NTSR1: variants seen among roughly 807,000 people sequenced by gnomAD.
The protein encoded by NTSR1 is neurotensin receptor type 1.
NTSR1 carries 29 observed loss-of-function variants against 31.2 expected under a neutral mutation model. The ratio of observed to expected loss-of-function variants is 0.93; its 90% confidence interval spans 0.69 to 1.27. The LOEUF is 1.27. Ranked by LOEUF, NTSR1 falls within the 50% of genes most tolerant of loss-of-function variation. The pLI is 0.00. For missense variants in NTSR1, 697 were observed against 595.4 expected (o/e 1.17, Z -1.78); for synonymous variants, 282 against 269.9 (o/e 1.04, Z -0.44).
At chr20:62,755,342 TCCATCCCTC>T (rs1989473317) in intron 2 of NTSR1, among the ~76,000 whole-genome samples, 1 of 74,784 alleles carries the variant, frequency 1.3e-5, no homozygotes, top group Non-Finnish European at 2.7e-5. Flanking sequence ...CCTCCATCCA[TCCATCCCTC>T]TCTCCCTTCC....
chr20:62,740,436 G>A (rs138938637), intron 1 of NTSR1, among the ~76,000 whole-genome samples: 301 of 149,014 alleles, frequency 2.0e-3, no homozygotes, highest in African/African-American at 7.3e-3. Context: ...TAGGGTGAGC[G>A]GCAGGCAGAT....
At chr20:62,750,348 C>A (rs780723606) in intron 1 of NTSR1, among the ~76,000 whole-genome samples, 1 of 152,062 alleles carries the variant, frequency 6.6e-6, no homozygotes, top group Non-Finnish European at 1.5e-5. Flanking sequence ...AGTTATAAGG[C>A]GAGTACATTC....
Position 62,741,757 on chromosome 20 carries a change from C to T in NTSR1, c.715-12928C>T, listed in dbSNP as rs1439262802. 6.7e-6 allele frequency among the ~76,000 whole-genome samples: 1 copy of T among 149,732 alleles called. No homozygotes were observed. Among genetic ancestry groups the T allele is most frequent in the Non-Finnish European group, 1.5e-5 (1 of 68,028 alleles). On this transcript the variant is annotated intron_variant, in intron 1 of 3. Coordinates refer to ENST00000370501, the MANE Select transcript of NTSR1 (RefSeq NM_002531.3). This position sits in a 1 kb window ranked among gnomAD's most constrained non-coding sequence, Gnocchi z 4.3. The stretch of plus-strand genomic sequence containing the variant: ...AGGAGCCACAGCCTTGGACTAGATG[C>T]TCTCAAAACCTGGCAATGGCCCACA...
At chr20:62,759,879 C>G (rs1281919433) in intron 3 of NTSR1, 139 bp from the exon 4 acceptor site, 2 of 810,554 alleles carry the variant, frequency 2.5e-6, no homozygotes, top group Non-Finnish European at 4.0e-6. Context: ...TGAAATGTCC[C>G]CAAACAACCA....
At chr20:62,746,183 GT>G (rs1301913100) in intron 1 of NTSR1, among the ~76,000 whole-genome samples, 2 of 152,192 alleles carry the variant, frequency 1.3e-5, no homozygotes, top group Non-Finnish European at 2.9e-5. Context: ...CAGCCTGGCC[GT>G]CTGCTTCCTG....
In NTSR1 at chr20:62,709,319, G is replaced by T; in HGVS notation, c.112G>T (p.Ala38Ser). 6.2e-7 allele frequency: 1 copy of T among 1,607,036 alleles called. No homozygotes were observed. The highest frequency in any genetic ancestry group is 8.5e-7 in the Non-Finnish European group (1 of 1,177,992). The change falls in exon 1 of 4, where the codon GCT becomes TCT. Residue 38 changes from alanine (A) to serine (S), a missense_variant. Physicochemically the swap from Ala to Ser is moderately conservative, Grantham distance 99. Coordinates refer to ENST00000370501, the MANE Select transcript of NTSR1 (RefSeq NM_002531.3). The part of the protein sequence containing the change: ...EALLAPGFGN[A>S]SGNASERVLA... ...GCTGCTGGCCCCGGGCTTCGGCAAC[G>T]CTTCGGGCAACGCGTCGGAGCGCGT...
At chr20:62,710,033 C>A in intron 1 of NTSR1, 112 bp downstream of exon 1, 1 of 969,430 alleles carries the variant, frequency 1.0e-6, no homozygotes, top group East Asian at 2.7e-5. Flanking sequence ...ACAGTCTACT[C>A]CTGCGAGGCT....
At chr20:62,740,991 A>G (rs1241287879) in intron 1 of NTSR1, among the ~76,000 whole-genome samples, 1 of 151,888 alleles carries the variant, frequency 6.6e-6, no homozygotes, top group Admixed American at 6.5e-5. Flanking sequence ...CTAATGGGGC[A>G]CACTGGGGTT....
At chr20:62,724,488 C>G (rs1460255176) in intron 1 of NTSR1, among the ~76,000 whole-genome samples, 2 of 152,194 alleles carry the variant, frequency 1.3e-5, no homozygotes, top group African/African-American at 4.8e-5. Context: ...ACAGCTTCTT[C>G]AAAAGGAGCC....
At chr20:62,713,540 C>A (rs1310417953) in intron 1 of NTSR1, among the ~76,000 whole-genome samples, 1 of 152,228 alleles carries the variant, frequency 6.6e-6, no homozygotes, top group Non-Finnish European at 1.5e-5. Flanking sequence ...TCCCGTGCCC[C>A]AGGCTGTGCC....
At chr20:62,720,749 C>A (rs1181385842) in intron 1 of NTSR1, among the ~76,000 whole-genome samples, 2 of 151,882 alleles carry the variant, frequency 1.3e-5, no homozygotes, top group Non-Finnish European at 2.9e-5. Flanking sequence ...GATTTAAGAT[C>A]TTTATTCTTT....
chr20:62,709,200 C>G lies in NTSR1; in HGVS notation c.-8C>G. On this transcript the variant is annotated 5_prime_UTR_variant, in exon 1 of 4. Transcript: ENST00000370501. The stretch of plus-strand genomic sequence containing the variant: ...CGCCGGACAGAGCCGCGGACTCCAG[C>G]GCCCACCATGCGCCTCAACAGCTCC... The G allele has an allele frequency of 7.0e-7, 1 of 1,427,358 alleles. No homozygotes were observed. Among genetic ancestry groups the G allele is most frequent in the Non-Finnish European group, 9.1e-7 (1 of 1,099,592 alleles). 88.4% of individuals were successfully genotyped at this position (1,427,358 alleles called of 1,614,324 possible). A position where few individuals can be genotyped will look rare whatever the true frequency, so the allele number is the denominator to read the frequency against.
intron 1 of NTSR1, among the ~76,000 whole-genome samples, chr20:62,748,324 G>A (rs556521716): frequency 3.3e-5 from 5 of 152,044 alleles, no homozygotes; most frequent in Admixed American, 2.0e-4. Context: ...TGCATTGCAA[G>A]AATTCATATT....
Position 62,709,463 on chromosome 20 carries a change from T to A in NTSR1, c.256T>A (p.Phe86Ile). 6.2e-7 allele frequency: 1 copy of A among 1,612,540 alleles called. No individual in the cohort carries two copies. The highest frequency in any genetic ancestry group is 8.5e-7 in the Non-Finnish European group (1 of 1,179,796). ...VGTVGNTVTA[F>I]TLARKKSLQS... ...CACGGTGGGCAACACGGTGACGGCG[T>A]TCACGCTGGCGCGGAAGAAGTCGCT... is the stretch of plus-strand genomic sequence containing the variant. The change falls in exon 1 of 4, where the codon TTC (phenylalanine) becomes ATC (isoleucine). Residue 86 changes from phenylalanine (F) to isoleucine (I), a missense_variant. Transcript: ENST00000370501.
chr20:62,754,799 T>A lies in NTSR1; in HGVS notation c.829T>A (p.Cys277Ser), dbSNP rs1376073930. 1 of 1,610,914 alleles carries A rather than the reference T, an allele frequency of 6.2e-7. No individual in the cohort carries two copies. Among genetic ancestry groups the A allele is most frequent in the South Asian group, 1.1e-5 (1 of 91,054 alleles). The change falls in exon 2 of 4, where the codon TGC (cysteine) becomes AGC (serine). Residue 277 changes from cysteine (C) to serine (S), a missense_variant. Coordinates refer to ENST00000370501, the MANE Select transcript of NTSR1 (RefSeq NM_002531.3). ...VRQAAEQGQV[C>S]TVGGEHSTFS... ...CCAGGCGGCCGAGCAGGGCCAAGTG[T>A]GCACGGTCGGGGGCGAGCACAGCAC...
Position 62,709,147 on chromosome 20 carries a change from C to G in NTSR1, c.-61C>G. ...TCGGTCCCCGCCTGAGACGCGCCCA[C>G]TCCTGCCCGGACTTCCAGCCCCGGA... On this transcript the variant is annotated 5_prime_UTR_variant, in exon 1 of 4. Coordinates refer to ENST00000370501, the MANE Select transcript of NTSR1 (RefSeq NM_002531.3). 7.6e-7 allele frequency: 1 copy of G among 1,315,492 alleles called. No homozygotes were observed. Among genetic ancestry groups the G allele is most frequent in the East Asian group, 3.0e-5 (1 of 33,818 alleles). 81.5% of individuals were successfully genotyped at this position (1,315,492 alleles called of 1,614,324 possible).
chr20:62,747,985 G>A (rs1320189907), intron 1 of NTSR1, among the ~76,000 whole-genome samples: 2 of 152,150 alleles, frequency 1.3e-5, no homozygotes, highest in East Asian at 1.9e-4. Flanking sequence ...AAACCAGCCT[G>A]GCCAACATGG....
chr20:62,735,054 A>T (rs1989065425), intron 1 of NTSR1, among the ~76,000 whole-genome samples: 1 of 152,106 alleles, frequency 6.6e-6, no homozygotes, highest in Admixed American at 6.5e-5. Context: ...CTGAGGCCCC[A>T]TGTGGAGGCA....
At chr20:62,729,845 A>G (rs1428395931) in intron 1 of NTSR1, among the ~76,000 whole-genome samples, 1 of 151,370 alleles carries the variant, frequency 6.6e-6, no homozygotes, top group Non-Finnish European at 1.5e-5. Flanking sequence ...CTGGTCTCAA[A>G]CTCCTGACCT....
Sources: gnomAD v4.1 joint callset for allele counts (sites outside exome capture counted in the v4.1 genomes callset) on GRCh38, gnomAD v4.1.1 for gene constraint, Gnocchi (gnomAD v3.1) non-coding constraint, MANE v1.5 for transcripts, NCBI Gene and HGNC (gene_info 2026-07-23, HGNC 2026-07-21) for gene names.